Variants in EDN1 observed in about 807,000 individuals in gnomAD.
The protein encoded by EDN1 is endothelin-1.
EDN1 carries 11 observed loss-of-function variants against 21.7 expected under a neutral mutation model. The ratio of observed to expected loss-of-function variants is 0.51; its 90% CI spans 0.32 to 0.84. The LOEUF (loss-of-function observed/expected upper bound fraction) is 0.84. EDN1 is among the 40% of genes least tolerant of loss of function. EDN1 has a pLI of 0.03. For missense variants in EDN1, 244 were observed against 262.3 expected, an observed-to-expected ratio of 0.93 and a Z score of 0.48; for synonymous variants, 85 against 90.6, an observed-to-expected ratio of 0.94 and a Z score of 0.35.
At chr6:12,268,340 C>T in the EDN1 span, among the ~76,000 whole-genome samples, 6 of 152,146 alleles carry the variant, frequency 3.9e-5, no homozygotes, top group Admixed American at 6.5e-5. Flanking sequence ...TCCCATTTAA[C>T]TACTTTTTCT....
chr6:12,283,618 T>A, the EDN1 span, among the ~76,000 whole-genome samples: 2 of 152,216 alleles, frequency 1.3e-5, no homozygotes, highest in African/African-American at 4.8e-5. Context: ...TTTTAGCATC[T>A]TCCTTTCCTT....
the EDN1 span, among the ~76,000 whole-genome samples, chr6:12,278,721 A>G: frequency 1.3e-5 from 2 of 152,018 alleles, no homozygotes; most frequent in Non-Finnish European, 2.9e-5. Context: ...ACATGGTGAA[A>G]CCCCGTCTGA....
At chr6:12,295,757 T>C (rs1409758539) in intron 4 of EDN1, among the ~76,000 whole-genome samples, 1 of 152,146 alleles carries the variant, frequency 6.6e-6, no homozygotes, top group Non-Finnish European at 1.5e-5. Context: ...GACCCCTCGC[T>C]CCCATTCTAA....
chr6:12,287,702 TCTCTCTCTCTCACACACA>T (rs1258879281), upstream of EDN1, among the ~76,000 whole-genome samples: 2 of 76,256 alleles, frequency 2.6e-5, no homozygotes, highest in East Asian at 8.2e-4. Context: ...TCTCTCTCTC[TCTCTCTCTCTCACACACA>T]CACACACACA....
the EDN1 span, among the ~76,000 whole-genome samples, chr6:12,238,605 C>G: frequency 6.6e-6 from 1 of 152,228 alleles, no homozygotes; most frequent in African/African-American, 2.4e-5. Flanking sequence ...GCTGTCCTCG[C>G]TTAGAACCAC....
the EDN1 span, among the ~76,000 whole-genome samples, chr6:12,262,954 G>A: frequency 1.3e-5 from 2 of 151,966 alleles, no homozygotes; most frequent in Non-Finnish European, 2.9e-5. Context: ...GTTTAACCTA[G>A]GGCACAATTC....
chr6:12,236,451 G>T, the EDN1 span, among the ~76,000 whole-genome samples: 1 of 151,966 alleles, frequency 6.6e-6, no homozygotes, highest in African/African-American at 2.4e-5. Flanking sequence ...GTAGAGATGG[G>T]GTTTTGCCAC....
rs934811783 is a variant in EDN1 at position 12,295,983 on chromosome 6, C to T, written c.555C>T (p.Ser185=). 1.7e-5 allele frequency: 28 copies of T among 1,613,824 alleles called. No individual in the cohort carries two copies. Among genetic ancestry groups the T allele is most frequent in the African/African-American group, 9.4e-5 (7 of 74,858 alleles). ...TTAGGTCGGAGACCATGAGAAACAGCGTCAAATCATCTTTTCATGATCCCA... is the reference window on the plus strand; with the variant it reads ...TTAGGTCGGAGACCATGAGAAACAGTGTCAAATCATCTTTTCATGATCCCA... The part of the protein sequence containing the change: ...RQTRSETMRN[S]VKSSFHDPKL... The change falls in exon 5 of 5, where the codon AGC becomes AGT. Residue 185 remains serine (S), a synonymous_variant. Coordinates refer to ENST00000379375, the MANE Select transcript of EDN1 (RefSeq NM_001955.5).
At chr6:12,263,967 A>G in the EDN1 span, among the ~76,000 whole-genome samples, 1 of 152,334 alleles carries the variant, frequency 6.6e-6, no homozygotes, top group South Asian at 2.1e-4. Flanking sequence ...TTTGAACCTC[A>G]CTGAAATGTT....
At chr6:12,279,994 A>G in the EDN1 span, among the ~76,000 whole-genome samples, 1 of 152,218 alleles carries the variant, frequency 6.6e-6, no homozygotes, top group Non-Finnish European at 1.5e-5. Context: ...AAAAAAGATA[A>G]CTAGAGATCT....
the EDN1 span, among the ~76,000 whole-genome samples, chr6:12,274,426 G>A: frequency 6.6e-6 from 1 of 152,182 alleles, no homozygotes; most frequent in Non-Finnish European, 1.5e-5. Context: ...CTATATCATG[G>A]AAAGTCCTCA....
the EDN1 span, among the ~76,000 whole-genome samples, chr6:12,255,689 C>G: frequency 2.0e-4 from 30 of 152,206 alleles, no homozygotes; most frequent in African/African-American, 6.5e-4. Flanking sequence ...GATCATGTGA[C>G]TATTTAGGTT....
At chr6:12,278,013 A>T in the EDN1 span, among the ~76,000 whole-genome samples, 1 of 152,258 alleles carries the variant, frequency 6.6e-6, no homozygotes, top group African/African-American at 2.4e-5. Flanking sequence ...TGAATTAAAG[A>T]TCATATTATC....
the EDN1 span, among the ~76,000 whole-genome samples, chr6:12,241,725 A>T: frequency 6.6e-6 from 1 of 152,224 alleles, no homozygotes; most frequent in Non-Finnish European, 1.5e-5. Flanking sequence ...TCATGTTCAT[A>T]GAAGATGATC....
At chr6:12,244,914 A>G in the EDN1 span, among the ~76,000 whole-genome samples, 1 of 152,220 alleles carries the variant, frequency 6.6e-6, no homozygotes, top group Non-Finnish European at 1.5e-5. Flanking sequence ...TATGGCTTTT[A>G]ATTAATCAAC....
the EDN1 span, among the ~76,000 whole-genome samples, chr6:12,273,845 C>T: frequency 3.3e-5 from 5 of 152,072 alleles, no homozygotes; most frequent in East Asian, 5.8e-4. Flanking sequence ...AGTCTTCCAG[C>T]GTACAATATA....
chr6:12,272,312 A>G, the EDN1 span, among the ~76,000 whole-genome samples: 1 of 152,172 alleles, frequency 6.6e-6, no homozygotes, highest in East Asian at 1.9e-4. Flanking sequence ...GATGAGGCAG[A>G]GAAGCTGGAA....
the EDN1 span, among the ~76,000 whole-genome samples, chr6:12,281,037 C>T: frequency 1.3e-5 from 2 of 152,244 alleles, no homozygotes; most frequent in Admixed American, 1.3e-4. Context: ...CCACTGCCTA[C>T]TTCATAGCTC....
upstream of EDN1, among the ~76,000 whole-genome samples, chr6:12,288,704 C>CT (rs1175939048): frequency 6.6e-6 from 1 of 152,102 alleles, no homozygotes; most frequent in Non-Finnish European, 1.5e-5. Context: ...CCAGCTGTGA[C>CT]TTCGAGGGAG....
Sources: gnomAD v4.1 joint callset for allele counts (sites outside exome capture counted in the v4.1 genomes callset) on GRCh38, gnomAD v4.1.1 for gene constraint, MANE v1.5 for transcripts, NCBI Gene and HGNC (gene_info 2026-07-23, HGNC 2026-07-21) for gene names.